Variants in TMPRSS5 observed in about 807,000 individuals in gnomAD.
TMPRSS5 encodes transmembrane serine protease 5.
In TMPRSS5, 45 loss-of-function variants were observed where a neutral mutation model predicts 59.7. The ratio of observed to expected loss-of-function variants is 0.75; its 90% CI spans 0.59 to 0.97. The LOEUF is 0.97. Among genes scored for constraint, TMPRSS5 ranks in the 50% least tolerant of loss-of-function variants. TMPRSS5 has a pLI of 0.00. For synonymous variants in TMPRSS5, 225 were observed against 232.0 expected (o/e 0.97, Z 0.27); for missense variants, 585 against 596.7 (o/e 0.98, Z 0.20).
intron 11 of TMPRSS5, 55 bp downstream of exon 11, chr11:113,690,176 G>GCCCACCCCCCCCCCCCCC: frequency 2.6e-6 from 1 of 388,230 alleles, no homozygotes; most frequent in Non-Finnish European, 4.2e-6. Context: ...CAGGCCCCCT[G>GCCCACCCCCCCCCCCCCC]CCCTCCCACC....
chr11:113,693,369 G>A, intron 8 of TMPRSS5, 120 bp from the exon 9 acceptor site: 1 of 1,141,170 alleles, frequency 8.8e-7, no homozygotes, highest in Non-Finnish European at 1.2e-6. Flanking sequence ...TCAGCAGGCG[G>A]TGAGCTCCCA....
intron 9 of TMPRSS5, among the ~76,000 whole-genome samples, chr11:113,692,006 G>A (rs1591374521): frequency 6.7e-6 from 1 of 149,854 alleles, no homozygotes; most frequent in East Asian, 2.0e-4. Context: ...TCCTGCCTCA[G>A]CCTCCCGAGT....
chr11:113,697,587 AGTATCACCCCTTTTG>A (rs1370519411), intron 4 of TMPRSS5, among the ~76,000 whole-genome samples, 169 bp from the exon 5 acceptor site: 1 of 152,232 alleles, frequency 6.6e-6, no homozygotes, highest in Non-Finnish European at 1.5e-5. Context: ...TCCCAAGAGC[AGTATCACCCCTTTTG>A]GTAGAGCATT....
chr11:113,699,417 C>T (rs147910524), intron 3 of TMPRSS5, among the ~76,000 whole-genome samples, 178 bp downstream of exon 3: 8 of 152,192 alleles, frequency 5.3e-5, no homozygotes, highest in African/African-American at 1.9e-4. Flanking sequence ...TTGGATCATA[C>T]ACTTTGTTCT....
rs3802855 is a variant in TMPRSS5 at position 113,699,895 on chromosome 11, C to A, written c.106+171G>T. 2.2e-3 allele frequency: 3,341 copies of A among 1,495,418 alleles called. 118 individuals carry two copies. The East Asian group carries it at 0.067, about 30-fold the overall frequency. 92.6% of individuals were successfully genotyped at this position (1,495,418 alleles called of 1,614,324 possible). On this transcript the variant is annotated intron_variant, in intron 2 of 12. Transcript: ENST00000299882. Reference sequence around the variant, plus strand: ...ATCACTGAAGCCCACAAATCCCACTCAATCCCTAAAGTGGGAAATGGGGAG... The same window carrying A: ...ATCACTGAAGCCCACAAATCCCACTAAATCCCTAAAGTGGGAAATGGGGAG...
intron 1 of TMPRSS5, among the ~76,000 whole-genome samples, chr11:113,704,314 A>G (rs186995718): frequency 4.4e-4 from 67 of 152,338 alleles, no homozygotes; most frequent in African/African-American, 1.6e-3. Context: ...AATAAGAGTA[A>G]TAACTCCTGC....
Position 113,699,031 on chromosome 11 carries a change from T to C in TMPRSS5, c.206-4A>G. ...GCAGCAGGACACAGATACAGCACTTTAGAGAAGAACAAAGAGAAAGGGTCT... is the reference window on the plus strand; with the variant it reads ...GCAGCAGGACACAGATACAGCACTTCAGAGAAGAACAAAGAGAAAGGGTCT... On this transcript the variant is annotated splice_polypyrimidine_tract_variant and splice_region_variant and intron_variant, in intron 3 of 12. Transcript: ENST00000299882. 1 of 1,611,360 alleles carries C rather than the reference T, an allele frequency of 6.2e-7. No individual in the cohort carries two copies.
At chr11:113,695,510 C>T (rs373514103) in intron 6 of TMPRSS5, 67 bp from the exon 7 acceptor site, 11 of 1,538,188 alleles carry the variant, frequency 7.2e-6, no homozygotes, top group Admixed American at 5.1e-5. Flanking sequence ...CATCCAAGGA[C>T]GTGAAGAATG....
Position 113,699,260 on chromosome 11 carries a change from T to TCC in TMPRSS5, c.206-234_206-233insGG, listed in dbSNP as rs1206647353. Among the ~76,000 whole-genome samples, 195 of 35,944 alleles carry TCC rather than the reference T, an allele frequency of 5.4e-3. 16 individuals carry two copies. Among genetic ancestry groups the TCC allele is most frequent in the South Asian group, 8.4e-3 (10 of 1,196 alleles). 23.6% of individuals were successfully genotyped at this position (35,944 alleles called of 152,430 possible). A position where few individuals can be genotyped will look rare whatever the true frequency, so the allele number is the denominator to read the frequency against. ...CTCTCTCTCTCTCTCTCTCTCTCTC[T>TCC]CTCTCTCTCTCCCTCTCTCTCTCTC... is the stretch of plus-strand genomic sequence containing the variant. On this transcript the variant is annotated intron_variant, in intron 3 of 12. Transcript: ENST00000299882.
At chr11:113,690,169 G>GGC in intron 11 of TMPRSS5, 62 bp downstream of exon 11, 5 of 903,996 alleles carry the variant, frequency 5.5e-6, no homozygotes, top group Non-Finnish European at 8.3e-6. Flanking sequence ...GTCACAGCAG[G>GGC]CCCCCTGCCC....
chr11:113,705,492 C>A (rs922574007), intron 1 of TMPRSS5, among the ~76,000 whole-genome samples: 2 of 152,190 alleles, frequency 1.3e-5, no homozygotes, highest in Non-Finnish European at 2.9e-5. Flanking sequence ...CTGGACCTCC[C>A]AAGAGCTGCA....
chr11:113,691,113 C>A, intron 9 of TMPRSS5, 174 bp from the exon 10 acceptor site: 1 of 607,274 alleles, frequency 1.6e-6, no homozygotes, highest in Non-Finnish European at 3.0e-6. Context: ...GGGCACTGTC[C>A]CATCTTTGGG....
chr11:113,691,892 CTTTTTTT>C (rs58784708), intron 9 of TMPRSS5, among the ~76,000 whole-genome samples: 8 of 121,114 alleles, frequency 6.6e-5, no homozygotes, highest in Non-Finnish European at 1.3e-4. Context: ...CCTTTTTTTT[CTTTTTTT>C]TTTTTTGAGA....
chr11:113,690,881 C>CCGCG lies in TMPRSS5; in HGVS notation c.1019_1022dup (p.Cys342AlafsTer13), dbSNP rs1390629971. 2 of 1,597,136 alleles carry CCGCG rather than the reference C, an allele frequency of 1.3e-6. No homozygotes were observed. Among genetic ancestry groups the CCGCG allele is most frequent in the African/African-American group, 2.7e-5 (2 of 74,704 alleles). ...TGTGGCCCCAGCCAGACACCCAGCA[C>CCGCG]CGCGAGCCCTTCGGAAAATGCTGTT... On this transcript the variant is annotated frameshift_variant, in exon 10 of 13. Coordinates refer to ENST00000299882, the MANE Select transcript of TMPRSS5 (RefSeq NM_030770.4). LOFTEE classifies it high-confidence loss of function.
At chr11:113,695,641 C>T (rs1952908062) in intron 6 of TMPRSS5, among the ~76,000 whole-genome samples, 198 bp from the exon 7 acceptor site, 1 of 152,110 alleles carries the variant, frequency 6.6e-6, no homozygotes, top group Non-Finnish European at 1.5e-5. Flanking sequence ...ATCAGTGGTC[C>T]CCAGGACAGG....
chr11:113,699,872 C>A, intron 2 of TMPRSS5, 179 bp from the exon 3 acceptor site: 1 of 1,460,224 alleles, frequency 6.8e-7, no homozygotes, highest in Non-Finnish European at 9.2e-7. Context: ...AGGGCCTGAT[C>A]ACTGAAGCCC....
chr11:113,697,521 G>A, intron 4 of TMPRSS5, 103 bp from the exon 5 acceptor site: 1 of 1,379,808 alleles, frequency 7.2e-7, no homozygotes. Flanking sequence ...AGGCCTTAAT[G>A]ACAGCATCTG....
At chr11:113,699,245 CT>C (rs1565263510) in intron 3 of TMPRSS5, among the ~76,000 whole-genome samples, 11 of 84,820 alleles carry the variant, frequency 1.3e-4, no homozygotes, top group East Asian at 7.9e-4. Flanking sequence ...CTCTCTCTCT[CT>C]CTCTCTCTCT....
At chr11:113,704,743 T>A (rs779183725) in intron 1 of TMPRSS5, among the ~76,000 whole-genome samples, 6 of 151,964 alleles carry the variant, frequency 3.9e-5, no homozygotes, top group Non-Finnish European at 8.8e-5. Flanking sequence ...ACAGCACCTG[T>A]TGGGCCCTAT....
Sources: allele counts gnomAD v4.1 joint callset (sites outside exome capture counted in the v4.1 genomes callset), GRCh38; gene constraint gnomAD v4.1.1; transcripts MANE v1.5; gene names NCBI Gene and HGNC (gene_info 2026-07-23, HGNC 2026-07-21).